DCLK1: variants seen among roughly 807,000 people sequenced by gnomAD.
The protein encoded by DCLK1 is serine/threonine-protein kinase DCLK1.
DCLK1 carries 16 observed loss-of-function variants against 86.2 expected under a neutral mutation model. The ratio of observed to expected loss-of-function variants is 0.19; its 90% CI spans 0.13 to 0.28. The LOEUF (loss-of-function observed/expected upper bound fraction) is 0.28, where lower values mean the gene tolerates loss of function less well. Among genes scored for constraint, DCLK1 ranks in the 10% least tolerant of loss-of-function variants. The probability of loss-of-function intolerance (pLI) is 1.00; values close to 1 mark genes in which losing one functional copy is unlikely to be tolerated. For synonymous variants in DCLK1, 369 were observed against 370.5 expected, an observed-to-expected ratio of 1.00 and a Z score of 0.05; for missense variants, 590 against 940.2, an observed-to-expected ratio of 0.63 and a Z score of 4.87.
intron 1 of DCLK1, among the ~76,000 whole-genome samples, chr13:36,129,373 G>A (rs1886291189): frequency 6.6e-6 from 1 of 152,186 alleles, no homozygotes; most frequent in African/African-American, 2.4e-5. Flanking sequence ...TCCTCAAACT[G>A]GATCACAGGT....
chr13:36,077,202 A>G (rs1234857739), intron 3 of DCLK1, among the ~76,000 whole-genome samples: 1 of 152,236 alleles, frequency 6.6e-6, no homozygotes, highest in Non-Finnish European at 1.5e-5. Context: ...ACACTGCTAT[A>G]AAGTCTTAAC....
At chr13:35,954,146 G>A (rs541801551) in intron 3 of DCLK1, among the ~76,000 whole-genome samples, 26 of 151,716 alleles carry the variant, frequency 1.7e-4, no homozygotes, top group African/African-American at 6.0e-4. Context: ...AAGATGGCAG[G>A]CTTAAACGTT....
At chr13:36,058,048 G>A (rs776100939) in intron 3 of DCLK1, among the ~76,000 whole-genome samples, 1 of 152,156 alleles carries the variant, frequency 6.6e-6, no homozygotes, top group Non-Finnish European at 1.5e-5. Flanking sequence ...AATATCAAGA[G>A]AATAATTCAT....
chr13:35,883,600 AT>A (rs1296105014), intron 4 of DCLK1, among the ~76,000 whole-genome samples: 2 of 152,154 alleles, frequency 1.3e-5, no homozygotes, highest in East Asian at 3.9e-4. Flanking sequence ...AGCAACACAA[AT>A]GGACTAAGAC....
chr13:35,868,941 C>T (rs1385748820), intron 5 of DCLK1, among the ~76,000 whole-genome samples: 1 of 152,152 alleles, frequency 6.6e-6, no homozygotes, highest in African/African-American at 2.4e-5. Flanking sequence ...CAGGCACCCA[C>T]CACCATGCCT....
At chr13:36,120,354 A>G (rs1192113311) in intron 2 of DCLK1, among the ~76,000 whole-genome samples, 2 of 152,188 alleles carry the variant, frequency 1.3e-5, no homozygotes, top group Non-Finnish European at 2.9e-5. Context: ...CCATATTTTT[A>G]TTGTACCTTT....
chr13:36,073,704 C>T (rs1015693174), intron 3 of DCLK1, among the ~76,000 whole-genome samples: 1 of 152,068 alleles, frequency 6.6e-6, no homozygotes, highest in African/African-American at 2.4e-5. Flanking sequence ...CTGGCTCACA[C>T]CTGAACTATG....
chr13:35,820,445 T>C (rs2087368600), intron 11 of DCLK1, among the ~76,000 whole-genome samples: 1 of 152,186 alleles, frequency 6.6e-6, no homozygotes, highest in Admixed American at 6.5e-5. Flanking sequence ...TATATTTGAA[T>C]GAGCATAATA....
chr13:35,933,092 C>T (rs555747054), intron 4 of DCLK1, among the ~76,000 whole-genome samples: 1 of 152,312 alleles, frequency 6.6e-6, no homozygotes, highest in African/African-American at 2.4e-5. Context: ...CTATGCAAGT[C>T]CAAAATCCAG....
At chr13:35,955,448 C>T (rs1182255741) in intron 3 of DCLK1, among the ~76,000 whole-genome samples, 1 of 152,014 alleles carries the variant, frequency 6.6e-6, no homozygotes, top group Non-Finnish European at 1.5e-5. Context: ...CTAATAATAG[C>T]CCTGATTCTA....
At chr13:35,797,240 C>T (rs1259125175) in intron 15 of DCLK1, among the ~76,000 whole-genome samples, 1 of 152,198 alleles carries the variant, frequency 6.6e-6, no homozygotes, top group Non-Finnish European at 1.5e-5. Flanking sequence ...AATTAACTTA[C>T]TGAGAAAGAT....
chr13:36,030,421 C>G (rs1263707488), intron 3 of DCLK1, among the ~76,000 whole-genome samples: 2 of 151,772 alleles, frequency 1.3e-5, no homozygotes, highest in Admixed American at 1.3e-4. Context: ...CCCAGCCTCC[C>G]AAGTAGCTGG....
At chr13:36,107,261 G>T (rs1003867993) in intron 3 of DCLK1, among the ~76,000 whole-genome samples, 1 of 151,400 alleles carries the variant, frequency 6.6e-6, no homozygotes, top group Admixed American at 6.6e-5. Flanking sequence ...TACTTCAGCT[G>T]AGTAATTCCT....
At chr13:35,894,642 G>T (rs977307683) in intron 4 of DCLK1, among the ~76,000 whole-genome samples, 7 of 152,178 alleles carry the variant, frequency 4.6e-5, no homozygotes, top group African/African-American at 1.4e-4. Flanking sequence ...ACGCCAGAAG[G>T]TGCTCAGCGG....
At chr13:35,792,973 T>A (rs2086733930) in intron 16 of DCLK1, among the ~76,000 whole-genome samples, 1 of 152,134 alleles carries the variant, frequency 6.6e-6, no homozygotes, top group South Asian at 2.1e-4. Context: ...TGTTCCAAGC[T>A]CTCCCTGCAA....
chr13:35,866,491 C>T (rs1871800801), intron 5 of DCLK1, among the ~76,000 whole-genome samples: 2 of 147,836 alleles, frequency 1.4e-5, no homozygotes, highest in Non-Finnish European at 1.5e-5. Context: ...CTCACTCAGT[C>T]ATCCAGGCTG....
chr13:35,808,649 G>A (rs1002508247), intron 13 of DCLK1, among the ~76,000 whole-genome samples: 3 of 152,118 alleles, frequency 2.0e-5, no homozygotes, highest in African/African-American at 4.8e-5. Flanking sequence ...CTGGTGTGGC[G>A]GCGCACGCCT....
intron 2 of DCLK1, among the ~76,000 whole-genome samples, chr13:36,118,815 G>T (rs938915287): frequency 1.4e-4 from 22 of 152,130 alleles, no homozygotes; most frequent in Non-Finnish European, 2.5e-4. Flanking sequence ...CTGGAGGCTG[G>T]GAAGTCCAAG....
intron 14 of DCLK1, among the ~76,000 whole-genome samples, chr13:35,806,868 T>A (rs1403354600): frequency 6.6e-6 from 1 of 152,144 alleles, no homozygotes; most frequent in Non-Finnish European, 1.5e-5. Context: ...TCTCTGACAC[T>A]CCCTTTCTGG....
Sources: allele counts gnomAD v4.1 joint callset (sites outside exome capture counted in the v4.1 genomes callset), GRCh38; gene constraint gnomAD v4.1.1; transcripts MANE v1.5; gene names NCBI Gene and HGNC (gene_info 2026-07-23, HGNC 2026-07-21).